STAM: variants seen among roughly 807,000 people sequenced by gnomAD.
STAM encodes signal transducing adapter molecule 1.
In STAM, 16 loss-of-function variants were observed where a neutral mutation model predicts 63.4. That is an observed-to-expected ratio of 0.25 (90% CI 0.17 to 0.38). STAM has a LOEUF of 0.38. STAM is among the 10% of genes least tolerant of loss of function. STAM has a pLI of 1.00. For synonymous variants in STAM, 238 were observed against 223.9 expected, an observed-to-expected ratio of 1.06 and a Z score of -0.56; for missense variants, 636 against 657.1, an observed-to-expected ratio of 0.97 and a Z score of 0.35.
chr10:17,679,191 A>C (rs1395209331), intron 2 of STAM, among the ~76,000 whole-genome samples: 1 of 152,178 alleles, frequency 6.6e-6, no homozygotes, highest in Non-Finnish European at 1.5e-5. Context: ...GCAATGTACA[A>C]GGGTTCTAAT....
chr10:17,695,850 T>G (rs1399686470), intron 7 of STAM: 3 of 152,296 alleles, frequency 2.0e-5, no homozygotes, highest in African/African-American at 7.2e-5. Flanking sequence ...ACTTACTGCC[T>G]TAGTCCATTT....
rs527687594 is a variant in STAM at position 17,700,321 on chromosome 10, G to A, written c.912+42G>A. 2.7e-5 allele frequency: 39 copies of A among 1,448,540 alleles called. No individual in the cohort carries two copies. In the South Asian group the frequency reaches 4.1e-4, roughly 15 times the overall value. 89.7% of individuals were successfully genotyped at this position (1,448,540 alleles called of 1,614,324 possible). The stretch of plus-strand genomic sequence containing the variant: ...GTGATAGGAGTTGGTACTTTGTATT[G>A]AAATTTAAATGGTTTTGCTTTAAGA... On this transcript the variant is annotated intron_variant, in intron 9 of 13. Transcript: ENST00000377524.
intron 9 of STAM, among the ~76,000 whole-genome samples, chr10:17,703,629 T>C (rs1564568507): frequency 6.6e-6 from 1 of 152,148 alleles, no homozygotes; most frequent in Admixed American, 6.5e-5. Flanking sequence ...TGTGTGTATG[T>C]AATAATGGTT....
intron 6 of STAM, 61 bp downstream of exon 6, chr10:17,693,373 T>C (rs1554827054): frequency 1.5e-6 from 2 of 1,360,696 alleles, no homozygotes; most frequent in Non-Finnish European, 2.0e-6. Context: ...CTCTGAGATA[T>C]TTAAAGGTAA....
At chr10:17,667,283 T>C (rs1554823539) in intron 2 of STAM, among the ~76,000 whole-genome samples, 1 of 152,122 alleles carries the variant, frequency 6.6e-6, no homozygotes, top group Non-Finnish European at 1.5e-5. Flanking sequence ...AACGCCACCA[T>C]GCCCGGCTAT....
At chr10:17,705,373 C>A (rs952655902) in intron 11 of STAM, among the ~76,000 whole-genome samples, 1 of 152,106 alleles carries the variant, frequency 6.6e-6, no homozygotes, top group Non-Finnish European at 1.5e-5. Context: ...CAGTCAGGTA[C>A]GATAAGACGG....
At chr10:17,702,242 G>T (rs186325422) in intron 9 of STAM, among the ~76,000 whole-genome samples, 105 of 152,078 alleles carry the variant, frequency 6.9e-4, no homozygotes, top group Non-Finnish European at 1.2e-3. Flanking sequence ...CTAATACTGA[G>T]AGTATTATCA....
intron 2 of STAM, 95 bp downstream of exon 2, chr10:17,660,643 C>T (rs771872475): frequency 1.2e-5 from 10 of 852,032 alleles, no homozygotes; most frequent in African/African-American, 3.5e-5. Context: ...CCCAGCCCCT[C>T]GGTAGGATGA....
chr10:17,682,017 A>G (rs1360028003), intron 2 of STAM, among the ~76,000 whole-genome samples: 3 of 152,170 alleles, frequency 2.0e-5, no homozygotes, highest in Non-Finnish European at 4.4e-5. Flanking sequence ...ATCTGTTTTT[A>G]CTGACCTGTG....
Position 17,660,534 on chromosome 10 carries a change from T to G in STAM, c.111T>G (p.Gly37=), listed in dbSNP as rs1834122517. ...TTTTGGATATCTGTGATAAAGTTGG[T>G]CAGTCTCGCACTGGGTAAGTATTTA... ...GLILDICDKV[G]QSRTGPKDCL... is the part of the protein sequence containing the mutation. Residue 37 remains glycine (G), a synonymous_variant, in exon 2 of 14, where the codon GGT becomes GGG. Transcript: ENST00000377524. 4 of 1,604,902 alleles carry G rather than the reference T, an allele frequency of 2.5e-6. No homozygotes were observed. Among genetic ancestry groups the G allele is most frequent in the African/African-American group, 1.3e-5 (1 of 74,282 alleles).
chr10:17,651,064 C>T (rs1451561882), intron 1 of STAM, among the ~76,000 whole-genome samples: 1 of 55,768 alleles, frequency 1.8e-5, no homozygotes, highest in East Asian at 6.9e-4. Flanking sequence ...GAGTCCGTCT[C>T]AAAAAAAAAA....
At chr10:17,661,939 C>G (rs951570885) in intron 2 of STAM, among the ~76,000 whole-genome samples, 9 of 152,144 alleles carry the variant, frequency 5.9e-5, no homozygotes, top group African/African-American at 2.2e-4. Flanking sequence ...TTAGTATATT[C>G]TGACCTGGTT....
intron 2 of STAM, among the ~76,000 whole-genome samples, chr10:17,674,711 G>A (rs1176404493): frequency 1.3e-5 from 2 of 152,124 alleles, no homozygotes; most frequent in Non-Finnish European, 2.9e-5. Flanking sequence ...TTCAAGGGGA[G>A]GGTTGTTAGA....
intron 2 of STAM, among the ~76,000 whole-genome samples, chr10:17,681,526 C>G (rs879952574): frequency 3.3e-5 from 5 of 151,960 alleles, no homozygotes; most frequent in Non-Finnish European, 7.4e-5. Flanking sequence ...TCCATATGCC[C>G]TTGAGAATAA....
chr10:17,649,705 T>C (rs1833661076), intron 1 of STAM, among the ~76,000 whole-genome samples: 1 of 152,244 alleles, frequency 6.6e-6, no homozygotes, highest in South Asian at 2.1e-4. Context: ...AATTCATCTG[T>C]CAGAAAACTG....
chr10:17,696,736 C>T, intron 7 of STAM, 39 bp from the exon 8 acceptor site: 5 of 1,396,976 alleles, frequency 3.6e-6, no homozygotes, highest in Non-Finnish European at 5.1e-6. Flanking sequence ...GAAATAAATA[C>T]ATTTGTTATG....
intron 2 of STAM, among the ~76,000 whole-genome samples, chr10:17,672,581 C>T (rs886423973): frequency 3.9e-5 from 6 of 152,134 alleles, no homozygotes; most frequent in African/African-American, 7.2e-5. Flanking sequence ...CATTCTTGCT[C>T]GGAGCATGCA....
rs1247094773 is a variant in STAM, at chr10:17,644,238, T to G, written c.-102T>G. The G allele has an allele frequency of 2.3e-6, 3 of 1,290,262 alleles. No individual in the cohort carries two copies. The highest frequency in any genetic ancestry group is 3.3e-6 in the Non-Finnish European group (3 of 895,658). 79.9% of individuals were successfully genotyped at this position (1,290,262 alleles called of 1,614,324 possible). ...TGTCGCGGACCCTGTAGAGTCGGTC[T>G]CTGTTGCTCTTTTTGCCTGAGGAGT... On this transcript the variant is annotated 5_prime_UTR_variant, in exon 1 of 14. Transcript: ENST00000377524.
intron 1 of STAM, among the ~76,000 whole-genome samples, chr10:17,653,452 G>A (rs1833818620): frequency 1.3e-5 from 2 of 152,274 alleles, no homozygotes; most frequent in African/African-American, 4.8e-5. Flanking sequence ...TACACATTGT[G>A]GTGATACACA....
Sources: gnomAD v4.1 joint callset for allele counts (sites outside exome capture counted in the v4.1 genomes callset) on GRCh38, gnomAD v4.1.1 for gene constraint, MANE v1.5 for transcripts, NCBI Gene and HGNC (gene_info 2026-07-23, HGNC 2026-07-21) for gene names.